The following LSAMP variants were observed in gnomAD, a reference collection of about 807,000 sequenced individuals.
LSAMP encodes the protein limbic system-associated membrane protein.
A neutral mutation model predicts 38.6 loss-of-function variants in LSAMP; 7 were observed. The ratio of observed to expected loss-of-function variants is 0.18; its 90% confidence interval spans 0.10 to 0.34. LSAMP has a LOEUF of 0.34. Ranked by LOEUF, LSAMP falls within the 10% of genes least tolerant of loss-of-function variation. The pLI, the probability that LSAMP is intolerant of heterozygous loss-of-function variation, is 1.00. For synonymous variants in LSAMP, 154 were observed against 166.8 expected (o/e 0.92, Z 0.59); for missense variants, 313 against 420.0 (o/e 0.75, Z 2.23).
chr3:116,264,973 A>AATC (rs1426683996), intron 1 of LSAMP, among the ~76,000 whole-genome samples: 1 of 152,066 alleles, frequency 6.6e-6, no homozygotes, highest in Non-Finnish European at 1.5e-5. Context: ...CCAACCTTAG[A>AATC]ATCATTTGGT....
chr3:115,958,101 CACAT>C (rs1938509312), intron 3 of LSAMP, among the ~76,000 whole-genome samples: 1 of 152,130 alleles, frequency 6.6e-6, no homozygotes. Flanking sequence ...TATGCACACA[CACAT>C]ACATACGCAC....
At chr3:116,349,409 G>A (rs2048107634) in intron 1 of LSAMP, among the ~76,000 whole-genome samples, 1 of 150,686 alleles carries the variant, frequency 6.6e-6, no homozygotes, top group Non-Finnish European at 1.5e-5. Flanking sequence ...GAAGCAAACT[G>A]TACAGTTATT....
At chr3:116,063,048 T>C (rs1011133767) in intron 2 of LSAMP, among the ~76,000 whole-genome samples, 6 of 152,196 alleles carry the variant, frequency 3.9e-5, no homozygotes, top group East Asian at 1.9e-4. Flanking sequence ...TGCTTATAAA[T>C]TGGTTTTATT....
At chr3:116,000,665 C>T (rs545359378) in intron 3 of LSAMP, among the ~76,000 whole-genome samples, 9 of 152,202 alleles carry the variant, frequency 5.9e-5, no homozygotes, top group South Asian at 2.1e-4. Flanking sequence ...TGAGGAAAGA[C>T]GATATTGGCT....
chr3:116,029,931 C>T (rs901426726), intron 2 of LSAMP, among the ~76,000 whole-genome samples: 1 of 152,066 alleles, frequency 6.6e-6, no homozygotes, highest in Non-Finnish European at 1.5e-5. Context: ...TACAACAAAA[C>T]AGTCCCTAGA....
intron 3 of LSAMP, among the ~76,000 whole-genome samples, chr3:115,899,070 A>G (rs1241503563): frequency 6.6e-6 from 1 of 152,150 alleles, no homozygotes; most frequent in Non-Finnish European, 1.5e-5. Flanking sequence ...TGCTGAAATC[A>G]TGGAAAAGGA....
intron 1 of LSAMP, among the ~76,000 whole-genome samples, chr3:116,324,060 C>G (rs1436168802): frequency 6.6e-6 from 1 of 152,094 alleles, no homozygotes; most frequent in Non-Finnish European, 1.5e-5. Context: ...ACCAGGAGAA[C>G]CTGACTATGA....
chr3:116,130,258 G>T (rs776055043), intron 1 of LSAMP, among the ~76,000 whole-genome samples: 4 of 152,056 alleles, frequency 2.6e-5, no homozygotes. Flanking sequence ...TGTGTCCCTG[G>T]AGTCCTTCGG....
chr3:115,863,074 C>T (rs1935754719), intron 3 of LSAMP, among the ~76,000 whole-genome samples: 1 of 152,202 alleles, frequency 6.6e-6, no homozygotes, highest in South Asian at 2.1e-4. Flanking sequence ...AAGTGCTTGA[C>T]AGGCTGTCAG....
chr3:116,269,108 TCCCACACA>T (rs1421675622), intron 1 of LSAMP, among the ~76,000 whole-genome samples: 2 of 151,990 alleles, frequency 1.3e-5, no homozygotes, highest in African/African-American at 4.8e-5. Flanking sequence ...GTTCATCCCC[TCCCACACA>T]CCAAGCACAA....
At chr3:115,992,384 A>T (rs1939696188) in intron 3 of LSAMP, among the ~76,000 whole-genome samples, 1 of 151,802 alleles carries the variant, frequency 6.6e-6, no homozygotes, top group South Asian at 2.1e-4. Flanking sequence ...TTTTTAAATT[A>T]TTTTTTCCTG....
At chr3:115,881,037 A>AAAATAAATAAATAAATTAAT (rs1553744201) in intron 3 of LSAMP, among the ~76,000 whole-genome samples, 4 of 142,940 alleles carry the variant, frequency 2.8e-5, no homozygotes, top group East Asian at 2.1e-4. Flanking sequence ...CTCTGTCTCA[A>AAAATAAATAAATAAATTAAT]AAATAAATAA....
rs1390317987 is a variant in LSAMP, at chr3:115,805,567, G to A, written c.*4750C>T. 1 of 152,042 alleles carries A rather than the reference G, an allele frequency of 6.6e-6. No homozygotes were observed. The highest frequency in any genetic ancestry group is 1.5e-5 in the Non-Finnish European group (1 of 68,008). 9.4% of individuals were successfully genotyped at this position (152,042 alleles called of 1,614,324 possible). A position where few individuals can be genotyped will look rare whatever the true frequency, so the allele number is the denominator to read the frequency against. On this transcript the variant is annotated 3_prime_UTR_variant, in exon 7 of 7. Coordinates refer to ENST00000490035, the MANE Select transcript of LSAMP (RefSeq NM_002338.5). Reference sequence around the variant, plus strand: ...TGTAAATGTGCTCAAAAGAAATCAAGGTTTAAAATAAGTTTTCCATAATAT... The same window carrying A: ...TGTAAATGTGCTCAAAAGAAATCAAAGTTTAAAATAAGTTTTCCATAATAT...
At chr3:116,358,686 T>C (rs182816348) in intron 1 of LSAMP, among the ~76,000 whole-genome samples, 183 of 152,318 alleles carry the variant, frequency 1.2e-3, no homozygotes, top group Non-Finnish European at 2.0e-3. Context: ...TATCTCTTTA[T>C]GCATACTTGT....
intron 1 of LSAMP, among the ~76,000 whole-genome samples, chr3:116,153,918 C>A (rs535424325): frequency 6.6e-6 from 1 of 151,942 alleles, no homozygotes; most frequent in Non-Finnish European, 1.5e-5. Context: ...TCAAAACCAA[C>A]CAAGCAACTC....
intron 1 of LSAMP, among the ~76,000 whole-genome samples, chr3:116,265,002 C>T (rs2046874250): frequency 6.6e-6 from 1 of 152,138 alleles, no homozygotes; most frequent in Non-Finnish European, 1.5e-5. Context: ...TGAGCAGCCT[C>T]ATCCTGAGGC....
intron 3 of LSAMP, among the ~76,000 whole-genome samples, chr3:115,930,009 T>A: frequency 7.3e-6 from 1 of 137,178 alleles, no homozygotes; most frequent in African/African-American, 2.7e-5. Flanking sequence ...GAAGTTTTTT[T>A]TTTTTTTTTT....
chr3:115,918,746 T>C (rs1937314710), intron 3 of LSAMP, among the ~76,000 whole-genome samples: 3 of 150,704 alleles, frequency 2.0e-5, no homozygotes, highest in South Asian at 4.2e-4. Context: ...ATGGTACTTA[T>C]AGCTCAGAGA....
chr3:115,866,772 G>A (rs1400517615), intron 3 of LSAMP, among the ~76,000 whole-genome samples: 2 of 152,050 alleles, frequency 1.3e-5, no homozygotes, highest in Admixed American at 6.6e-5. Context: ...AGAATTGACA[G>A]GTTGCCAAGC....
Sources: gnomAD v4.1 joint callset for allele counts (sites outside exome capture counted in the v4.1 genomes callset) on GRCh38, gnomAD v4.1.1 for gene constraint, MANE v1.5 for transcripts, NCBI Gene and HGNC (gene_info 2026-07-23, HGNC 2026-07-21) for gene names.